The following IDNK variants were observed in gnomAD, a reference collection of about 807,000 sequenced individuals.
IDNK encodes IDNK gluconokinase, also known as gluconokinase.
Under a neutral mutation model 13.0 loss-of-function variants are expected in IDNK, and 9 were observed. The observed-to-expected ratio is 0.69, with a 90% CI of 0.42 to 1.21. The LOEUF (loss-of-function observed/expected upper bound fraction) is 1.21. Among genes scored for constraint, IDNK ranks in the 50% most tolerant of loss-of-function variants. The probability of loss-of-function intolerance (pLI) is 0.00; values close to 1 mark genes in which losing one functional copy is unlikely to be tolerated. For synonymous variants in IDNK, 92 were observed against 94.9 expected, an observed-to-expected ratio of 0.97 and a Z score of 0.18; for missense variants, 210 against 237.8, an observed-to-expected ratio of 0.88 and a Z score of 0.77.
chr9:83,623,243 G>C (rs917600454), intron 1 of IDNK, 22 bp downstream of exon 1: 4 of 1,385,766 alleles, frequency 2.9e-6, no homozygotes, highest in South Asian at 1.7e-5. Flanking sequence ...AGAGGGCGGG[G>C]GGCGCCCGGG....
chr9:83,629,376 T>C (rs1196695915), intron 3 of IDNK, among the ~76,000 whole-genome samples: 2 of 152,200 alleles, frequency 1.3e-5, no homozygotes, highest in Non-Finnish European at 2.9e-5. Context: ...AAGCTGGCCA[T>C]GTTTCTTCTG....
intron 1 of IDNK, 151 bp downstream of exon 1, chr9:83,623,372 G>A: frequency 4.0e-6 from 3 of 743,418 alleles, no homozygotes; most frequent in Admixed American, 3.1e-5. Flanking sequence ...CGCGGCTGCC[G>A]CGCCCTCTCC....
intron 3 of IDNK, among the ~76,000 whole-genome samples, chr9:83,631,036 A>G (rs1016844150): frequency 3.9e-5 from 6 of 152,174 alleles, no homozygotes; most frequent in African/African-American, 1.4e-4. Context: ...TTCATTCTTG[A>G]TAAGAATCCA....
chr9:83,643,365 C>A, intron 4 of IDNK, 64 bp from the exon 5 acceptor site: 2 of 1,309,354 alleles, frequency 1.5e-6, no homozygotes, highest in Non-Finnish European at 2.1e-6. Context: ...CTAGAATTGA[C>A]AGAGGTTACT....
chr9:83,629,925 T>C (rs538361593), intron 3 of IDNK, among the ~76,000 whole-genome samples: 1 of 152,348 alleles, frequency 6.6e-6, no homozygotes, highest in Non-Finnish European at 1.5e-5. Flanking sequence ...GGCCATCCCC[T>C]AGAGTGTCTC....
chr9:83,632,030 A>C (rs955665520), intron 3 of IDNK, among the ~76,000 whole-genome samples: 3 of 152,134 alleles, frequency 2.0e-5, no homozygotes, highest in Non-Finnish European at 4.4e-5. Flanking sequence ...CTGTATAGAA[A>C]ATTTGGAAAG....
upstream of IDNK, chr9:83,623,084 G>A (rs966159069): frequency 1.5e-4 from 168 of 1,116,696 alleles, no homozygotes; most frequent in Non-Finnish European, 1.7e-4. Context: ...TGCCCCGGCC[G>A]GGGCGAGAGC....
At position 83,643,719 on chromosome 9, in the gene IDNK, G is replaced by T. The variant is rs774648107; in HGVS notation, c.503G>T (p.Ser168Ile). 1 of 1,613,526 alleles carries T rather than the reference G, an allele frequency of 6.2e-7. No individual in the cohort carries two copies. Among genetic ancestry groups the T allele is most frequent in the Non-Finnish European group, 8.5e-7 (1 of 1,179,948 alleles). ...GCTCCAGAAAACTTTATCCAAATAA[G>T]TGTGGACAAAAATGTTTCAGAGATA... is the stretch of plus-strand genomic sequence containing the variant. ...PAAPENFIQI[S>I]VDKNVSEIIA... is the part of the protein sequence containing the mutation. The change falls in exon 5 of 5, where the codon AGT becomes ATT. Residue 168 changes from serine (S) to isoleucine (I), a missense_variant. Coordinates refer to ENST00000376419, the MANE Select transcript of IDNK (RefSeq NM_001001551.4).
intron 1 of IDNK, chr9:83,626,673 T>C (rs910511944): frequency 7.9e-7 from 1 of 1,270,474 alleles, no homozygotes; most frequent in Non-Finnish European, 1.0e-6. Context: ...TGCCTCAGCC[T>C]CCCAAAGTGC....
intron 3 of IDNK, among the ~76,000 whole-genome samples, chr9:83,641,152 A>G (rs1164139921): frequency 6.6e-6 from 1 of 152,226 alleles, no homozygotes; most frequent in East Asian, 1.9e-4. Context: ...GGTTTGAAGA[A>G]TAGGACCAGG....
chr9:83,632,901 T>C lies in IDNK; in HGVS notation c.168+3942T>C, dbSNP rs184469534. On this transcript the variant is annotated intron_variant, in intron 3 of 4. Transcript: ENST00000376419. ...AGAGAGATCTCAATTCCCCCCTTTCTTCATTATGAACATAAAATTTGGAGC... is the reference window on the plus strand; with the variant it reads ...AGAGAGATCTCAATTCCCCCCTTTCCTCATTATGAACATAAAATTTGGAGC... Among the ~76,000 whole-genome samples the C allele has an allele frequency of 3.6e-3, 552 of 152,328 alleles. 12 individuals are homozygous for C. Among genetic ancestry groups the C allele is most frequent in the Non-Finnish European group, 6.8e-4 (46 of 68,036 alleles).
intron 3 of IDNK, 80 bp downstream of exon 3, chr9:83,629,039 GA>G (rs1830940830): frequency 9.2e-7 from 1 of 1,085,180 alleles, no homozygotes; most frequent in Non-Finnish European, 1.4e-6. Context: ...TGCTGTAGTA[GA>G]GTTCGTGAGT....
intron 1 of IDNK, chr9:83,623,558 C>A (rs1830763999): frequency 3.3e-6 from 1 of 301,588 alleles, no homozygotes; most frequent in Admixed American, 5.8e-5. Flanking sequence ...GGCTAGGTTT[C>A]GGGGCGCCTT....
Position 83,627,548 on chromosome 9 carries a change from G to A in IDNK, c.51-633G>A, listed in dbSNP as rs187399756. On this transcript the variant is annotated intron_variant, in intron 1 of 4. Coordinates refer to ENST00000376419, the MANE Select transcript of IDNK (RefSeq NM_001001551.4). ...GTAGGCAACTGTGGCCCCATCTCCA[G>A]TACTGAGTCCCGAGCCCCTTTCACT... Among the ~76,000 whole-genome samples, 14 of 152,274 alleles carry A rather than the reference G, an allele frequency of 9.2e-5. No homozygotes were observed. The East Asian group carries it at 1.7e-3, about 19-fold the overall frequency.
At chr9:83,633,288 A>G (rs999122905) in intron 3 of IDNK, among the ~76,000 whole-genome samples, 2 of 152,098 alleles carry the variant, frequency 1.3e-5, no homozygotes, top group African/African-American at 4.8e-5. Flanking sequence ...GCAGTGAGCC[A>G]AGATCACACC....
chr9:83,630,666 TA>T (rs1481720655), intron 3 of IDNK, among the ~76,000 whole-genome samples: 3 of 152,206 alleles, frequency 2.0e-5, no homozygotes, highest in Admixed American at 6.5e-5. Context: ...AGGGAGTGTA[TA>T]AAATGTGACT....
At chr9:83,628,592 C>T (rs1830925720) in intron 2 of IDNK, among the ~76,000 whole-genome samples, 1 of 150,312 alleles carries the variant, frequency 6.7e-6, no homozygotes, top group African/African-American at 2.5e-5. Flanking sequence ...GTGGAGGTTG[C>T]AGTGAGACAA....
intron 3 of IDNK, among the ~76,000 whole-genome samples, chr9:83,639,183 T>A (rs1203868611): frequency 6.6e-6 from 1 of 152,010 alleles, no homozygotes; most frequent in East Asian, 1.9e-4. Flanking sequence ...AATAAGCAAA[T>A]TTTTTAAAAA....
rs1564145303 is a variant in IDNK at position 83,628,910 on chromosome 9, CG to C, written c.121del (p.Glu41ArgfsTer30). 1.2e-6 allele frequency: 2 copies of C among 1,614,064 alleles called. No homozygotes were observed. The highest frequency in any genetic ancestry group is 2.2e-5 in the South Asian group (2 of 91,080). On this transcript the variant is annotated frameshift_variant, in exon 3 of 5. Coordinates refer to ENST00000376419, the MANE Select transcript of IDNK (RefSeq NM_001001551.4). LOFTEE classifies it high-confidence loss of function. ...TTCTATGATGCTGATGATTATCACCCGGAGGAAAATCGAAGGAAGATGGGAA... is the reference window on the plus strand; with the variant it reads ...TTCTATGATGCTGATGATTATCACCCGAGGAAAATCGAAGGAAGATGGGAA... ...WKFYDADDYH[P>X]EENRRKMGKG... is the part of the protein sequence containing the mutation.
Sources: allele counts gnomAD v4.1 joint callset (sites outside exome capture counted in the v4.1 genomes callset), GRCh38; gene constraint gnomAD v4.1.1; transcripts MANE v1.5; gene names NCBI Gene and HGNC (gene_info 2026-07-23, HGNC 2026-07-21).